MAST4: variants seen among roughly 807,000 people sequenced by gnomAD.
The protein encoded by MAST4 is microtubule-associated serine/threonine-protein kinase 4.
A neutral mutation model predicts 162.7 loss-of-function variants in MAST4; 89 were observed. The ratio of observed to expected loss-of-function variants is 0.55; its 90% CI spans 0.46 to 0.65. MAST4 has a LOEUF of 0.65. Ranked by LOEUF, MAST4 falls within the 30% of genes least tolerant of loss-of-function variation. The pLI, the probability that MAST4 is intolerant of heterozygous loss-of-function variation, is 0.00. For synonymous variants in MAST4, 1,479 were observed against 1,361.1 expected, an observed-to-expected ratio of 1.09 and a Z score of -1.91; for missense variants, 3,153 against 3,374.0, an observed-to-expected ratio of 0.93 and a Z score of 1.62.
In MAST4 at chr5:67,096,073, G is replaced by GTTTGT. The variant is rs1453637971; in HGVS notation, c.912+412_912+416dup. On this transcript the variant is annotated intron_variant, in intron 7 of 28. Transcript: ENST00000403625. ...TTCTTCCTATGTGGCTTAGATAGAGGTTTGTTTTGTTTTGTTTTCTTTCTC... is the reference window on the plus strand; with the variant it reads ...TTCTTCCTATGTGGCTTAGATAGAGGTTTGTTTTGTTTTGTTTTGTTTTCTTTCTC... Among the ~76,000 whole-genome samples the GTTTGT allele has an allele frequency of 1.3e-5, 2 of 151,830 alleles. 1 individual carries two copies. Among genetic ancestry groups the GTTTGT allele is most frequent in the South Asian group, 4.2e-4 (2 of 4,810 alleles).
intron 12 of MAST4, among the ~76,000 whole-genome samples, chr5:67,116,441 G>A (rs1213808316): frequency 6.6e-6 from 1 of 151,338 alleles, no homozygotes; most frequent in Non-Finnish European, 1.5e-5. Context: ...CCTAACCTCA[G>A]GTGATCTGTC....
chr5:66,779,961 G>T (rs573003148), intron 2 of MAST4, among the ~76,000 whole-genome samples: 1 of 152,166 alleles, frequency 6.6e-6, no homozygotes, highest in African/African-American at 2.4e-5. Context: ...TAGTTAATGT[G>T]GATACCTCCT....
At chr5:66,829,425 G>A (rs1011258707) in intron 3 of MAST4, among the ~76,000 whole-genome samples, 3 of 152,050 alleles carry the variant, frequency 2.0e-5, no homozygotes, top group African/African-American at 7.2e-5. Flanking sequence ...GTAACTCACT[G>A]CCTTGCTTTT....
At chr5:67,118,174 C>A (rs1483944207) in intron 12 of MAST4, among the ~76,000 whole-genome samples, 1 of 152,208 alleles carries the variant, frequency 6.6e-6, no homozygotes, top group Non-Finnish European at 1.5e-5. Flanking sequence ...TCCCTCTTAA[C>A]CACCATTATT....
chr5:67,139,550 T>C (rs1770106005), intron 19 of MAST4, among the ~76,000 whole-genome samples: 2 of 152,238 alleles, frequency 1.3e-5, no homozygotes, highest in Non-Finnish European at 2.9e-5. Context: ...AGTCTCAGTT[T>C]CCTAGTCTAT....
intron 3 of MAST4, among the ~76,000 whole-genome samples, chr5:66,859,272 G>A (rs182285754): frequency 6.6e-6 from 1 of 152,196 alleles, no homozygotes; most frequent in Admixed American, 6.5e-5. Context: ...TGATCTGTTA[G>A]ACATACATTA....
intron 4 of MAST4, among the ~76,000 whole-genome samples, chr5:66,978,284 T>G (rs1427796755): frequency 6.6e-6 from 1 of 152,246 alleles, no homozygotes; most frequent in Non-Finnish European, 1.5e-5. Flanking sequence ...GTTGTAGTAA[T>G]GAGAGTAGGG....
chr5:66,886,046 G>A (rs1190634173), intron 3 of MAST4, among the ~76,000 whole-genome samples: 1 of 152,124 alleles, frequency 6.6e-6, no homozygotes, highest in Non-Finnish European at 1.5e-5. Flanking sequence ...AGGGTAGGTA[G>A]TTTACCCAAG....
chr5:66,881,335 A>T (rs1761679057), intron 3 of MAST4, among the ~76,000 whole-genome samples: 2 of 152,356 alleles, frequency 1.3e-5, no homozygotes, highest in South Asian at 4.1e-4. Flanking sequence ...TGTAAAGATC[A>T]TACTCATTAT....
At chr5:67,081,010 T>A (rs971448086) in intron 5 of MAST4, among the ~76,000 whole-genome samples, 17 of 137,370 alleles carry the variant, frequency 1.2e-4, no homozygotes, top group African/African-American at 5.5e-5. Context: ...TATAATATAA[T>A]ATATAATTGT....
intron 26 of MAST4, among the ~76,000 whole-genome samples, chr5:67,156,801 A>G (rs1246849116): frequency 3.3e-5 from 5 of 152,238 alleles, no homozygotes; most frequent in African/African-American, 7.2e-5. Flanking sequence ...TGTGCTTTCC[A>G]GAGAAGGAAA....
chr5:66,693,553 A>T (rs73110457), intron 1 of MAST4, among the ~76,000 whole-genome samples: 3,736 of 139,236 alleles, frequency 0.027, 160 homozygotes, highest in African/African-American at 0.096. Flanking sequence ...ATGTGATTTT[A>T]GGAAGATTTG....
chr5:66,825,261 G>GACACACACAC lies in MAST4; in HGVS notation c.642+36511_642+36520dup, dbSNP rs56076405. Reference sequence around the variant, plus strand: ...TTTAACCTTTTTTGTTAAAAACTAAGACACACACACACACACACACACACA... The same window carrying GACACACACAC: ...TTTAACCTTTTTTGTTAAAAACTAAGACACACACACACACACACACACACACACACACACA... On this transcript the variant is annotated intron_variant, in intron 3 of 28. Transcript: ENST00000403625. Among the ~76,000 whole-genome samples, 496 of 135,618 alleles carry GACACACACAC rather than the reference G, an allele frequency of 3.7e-3. 5 individuals are homozygous for GACACACACAC. Among genetic ancestry groups the GACACACACAC allele is most frequent in the African/African-American group, 5.4e-3 (194 of 36,174 alleles). 89.0% of individuals were successfully genotyped at this position (135,618 alleles called of 152,430 possible).
intron 16 of MAST4, among the ~76,000 whole-genome samples, chr5:67,133,303 C>T (rs906747359): frequency 6.6e-6 from 1 of 152,068 alleles, no homozygotes; most frequent in African/African-American, 2.4e-5. Flanking sequence ...TACACCTTGT[C>T]TCTAGCCCTC....
chr5:67,159,683 G>GC (rs1353172842), intron 26 of MAST4, among the ~76,000 whole-genome samples: 3 of 152,214 alleles, frequency 2.0e-5, no homozygotes, highest in Admixed American at 1.3e-4. Flanking sequence ...CCTGCCCTGG[G>GC]CCCCCCTCGG....
chr5:66,896,608 C>G (rs1318673807), intron 3 of MAST4, among the ~76,000 whole-genome samples: 1 of 152,214 alleles, frequency 6.6e-6, no homozygotes, highest in Non-Finnish European at 1.5e-5. Context: ...CAGAGATTCT[C>G]TAAACACGTG....
chr5:67,126,055 T>G (rs1768189806), intron 14 of MAST4, among the ~76,000 whole-genome samples: 1 of 152,232 alleles, frequency 6.6e-6, no homozygotes, highest in Non-Finnish European at 1.5e-5. Context: ...TTGAGAAGTG[T>G]CTGTTCATAT....
intron 4 of MAST4, among the ~76,000 whole-genome samples, chr5:66,960,077 G>A (rs1745824880): frequency 1.3e-5 from 2 of 152,088 alleles, no homozygotes; most frequent in African/African-American, 4.8e-5. Flanking sequence ...ATATAAATCC[G>A]GTAGACAAAC....
rs779229872 is a variant in MAST4 at position 67,104,487 on chromosome 5, G to A, written c.1268G>A (p.Arg423Gln). The A allele has an allele frequency of 5.0e-6, 8 of 1,613,872 alleles. No homozygotes were observed. Among genetic ancestry groups the A allele is most frequent in the Admixed American group, 1.7e-5 (1 of 60,016 alleles). ...CACCACCAGATTATTGAACTGGCTC[G>A]AGATTGCTTGGATAAATCCCACCAG... The part of the protein sequence containing the change: ...FTHHQIIELA[R>Q]DCLDKSHQGL... The change falls in exon 10 of 29, where the codon CGA becomes CAA. Residue 423 changes from arginine (R) to glutamine (Q), a missense_variant. Arg to Gln is a conservative substitution (Grantham distance 43, BLOSUM62 1). Around this residue, in one of 7 missense-constraint regions of MAST4, gnomAD observed 360 missense variants for 450.0 expected, o/e 0.80. Coordinates refer to ENST00000403625, the MANE Select transcript of MAST4 (RefSeq NM_001164664.2).
Sources: gnomAD v4.1 joint callset for allele counts (sites outside exome capture counted in the v4.1 genomes callset) on GRCh38, gnomAD v4.1.1 for gene constraint, gnomAD v4.1.1 regional missense constraint, MANE v1.5 for transcripts, NCBI Gene and HGNC (gene_info 2026-07-23, HGNC 2026-07-21) for gene names.